The following AGBL1 variants were observed in gnomAD, a reference collection of about 807,000 sequenced individuals.
AGBL1 encodes the protein cytosolic carboxypeptidase 4.
Under a neutral mutation model 118.9 loss-of-function variants are expected in AGBL1, and 130 were observed. The ratio of observed to expected loss-of-function variants is 1.09; its 90% confidence interval spans 0.95 to 1.26. The LOEUF (loss-of-function observed/expected upper bound fraction) is 1.26. Among genes scored for constraint, AGBL1 ranks in the 50% most tolerant of loss-of-function variants. AGBL1 has a pLI of 0.00. For missense variants in AGBL1, 1,584 were observed against 1,298.1 expected, an observed-to-expected ratio of 1.22 and a Z score of -3.38; for synonymous variants, 555 against 478.9, an observed-to-expected ratio of 1.16 and a Z score of -2.08.
At chr15:87,029,786 G>T (rs1005403548), downstream of AGBL1, among the ~76,000 whole-genome samples, 1 of 151,700 alleles carries the variant, frequency 6.6e-6, no homozygotes, top group Non-Finnish European at 1.5e-5. Context: ...AATGGAGGGA[G>T]ACATAGAATA....
chr15:86,403,890 G>T (rs1342821892), intron 18 of AGBL1, among the ~76,000 whole-genome samples: 2 of 152,096 alleles, frequency 1.3e-5, no homozygotes, highest in African/African-American at 2.4e-5. Context: ...CAAATGATAA[G>T]GAAACTGAGA....
intron 22 of AGBL1, among the ~76,000 whole-genome samples, chr15:86,847,986 G>C (rs573628201): frequency 1.3e-5 from 2 of 152,090 alleles, no homozygotes; most frequent in African/African-American, 2.4e-5. Flanking sequence ...TCATTCCTTC[G>C]TGACAGAGAT....
At chr15:86,364,884 A>T (rs2080856922) in intron 17 of AGBL1, among the ~76,000 whole-genome samples, 1 of 149,190 alleles carries the variant, frequency 6.7e-6, no homozygotes, top group Admixed American at 6.7e-5. Context: ...TGCACCTTTC[A>T]TGCTTTTATG....
chr15:86,717,080 C>T (rs2086649624), intron 22 of AGBL1, among the ~76,000 whole-genome samples: 1 of 152,076 alleles, frequency 6.6e-6, no homozygotes, highest in African/African-American at 2.4e-5. Context: ...CAAATATTAA[C>T]TATTAGTTAA....
intron 17 of AGBL1, among the ~76,000 whole-genome samples, chr15:86,362,328 A>C (rs55634465): frequency 0.16 from 24,232 of 152,174 alleles, 2,196 homozygotes; most frequent in South Asian, 0.21. Flanking sequence ...AAACTGGTTT[A>C]TATTACACCA....
At chr15:86,794,312 C>T (rs879695373) in intron 22 of AGBL1, among the ~76,000 whole-genome samples, 49 of 152,004 alleles carry the variant, frequency 3.2e-4, no homozygotes, top group Non-Finnish European at 6.2e-4. Flanking sequence ...ATGGGTGAAC[C>T]TCAAAACCAT....
At chr15:86,232,517 G>A (rs550430840) in intron 6 of AGBL1, among the ~76,000 whole-genome samples, 12 of 152,336 alleles carry the variant, frequency 7.9e-5, no homozygotes, top group African/African-American at 2.9e-4. Flanking sequence ...AGCTGAAGAT[G>A]GTCTCAGAGG....
At chr15:86,846,267 T>G (rs1278759850) in intron 22 of AGBL1, among the ~76,000 whole-genome samples, 1 of 152,210 alleles carries the variant, frequency 6.6e-6, no homozygotes, top group Non-Finnish European at 1.5e-5. Flanking sequence ...AAGGATAGTG[T>G]TCCTGGATAG....
At chr15:86,931,507 TA>T (rs139321543) in intron 23 of AGBL1, among the ~76,000 whole-genome samples, 54 of 151,952 alleles carry the variant, frequency 3.6e-4, no homozygotes, top group Non-Finnish European at 4.7e-4. Flanking sequence ...GGAATCTACA[TA>T]AAAAAAATTA....
At chr15:86,242,397 A>G (rs1192417156) in intron 6 of AGBL1, among the ~76,000 whole-genome samples, 2 of 152,226 alleles carry the variant, frequency 1.3e-5, no homozygotes, top group Non-Finnish European at 2.9e-5. Context: ...AATTCTCTCA[A>G]CAGTCTCACA....
chr15:86,863,040 C>A (rs1596563529), intron 22 of AGBL1, among the ~76,000 whole-genome samples: 1 of 152,124 alleles, frequency 6.6e-6, no homozygotes, highest in Non-Finnish European at 1.5e-5. Context: ...CAGGGAAGCA[C>A]GTGCTACCAT....
intron 2 of AGBL1, among the ~76,000 whole-genome samples, chr15:86,143,074 G>C (rs1472791405): frequency 6.6e-6 from 1 of 152,218 alleles, no homozygotes. Flanking sequence ...TGGGCAAGGT[G>C]GAGGAGGTCC....
intron 22 of AGBL1, among the ~76,000 whole-genome samples, chr15:86,761,402 T>A (rs1312583642): frequency 6.6e-6 from 1 of 152,058 alleles, no homozygotes; most frequent in Admixed American, 6.6e-5. Flanking sequence ...ACAAGGCAGA[T>A]CTAAGTTCTG....
intron 17 of AGBL1, among the ~76,000 whole-genome samples, chr15:86,396,646 C>A (rs779371280): frequency 1.3e-5 from 2 of 152,152 alleles, no homozygotes; most frequent in Admixed American, 6.6e-5. Flanking sequence ...GAGGGACCAT[C>A]CCACCCACAG....
chr15:86,412,490 A>G (rs1343356985), intron 18 of AGBL1, among the ~76,000 whole-genome samples: 1 of 152,156 alleles, frequency 6.6e-6, no homozygotes, highest in Non-Finnish European at 1.5e-5. Flanking sequence ...GTCCTGATAC[A>G]CAGTGTTTTA....
chr15:86,713,976 C>T (rs542616154), intron 22 of AGBL1, among the ~76,000 whole-genome samples: 10 of 152,214 alleles, frequency 6.6e-5, no homozygotes, highest in Admixed American at 2.6e-4. Flanking sequence ...TCCTTGAACG[C>T]GCACACAAAG....
intron 17 of AGBL1, among the ~76,000 whole-genome samples, chr15:86,391,061 G>A (rs948161815): frequency 6.7e-6 from 1 of 150,320 alleles, no homozygotes; most frequent in East Asian, 1.9e-4. Context: ...AGAGGCTAGG[G>A]GTGGGGTGAA....
chr15:86,433,286 T>TTTTTTTTTTTTG (rs2081961002), intron 18 of AGBL1, among the ~76,000 whole-genome samples: 1 of 128,636 alleles, frequency 7.8e-6, no homozygotes, highest in Non-Finnish European at 1.6e-5. Flanking sequence ...TTTTTTTTTT[T>TTTTTTTTTTTTG]TTTTTTTGCC....
chr15:86,721,679 T>TA (rs941666633), intron 22 of AGBL1, among the ~76,000 whole-genome samples: 11 of 152,244 alleles, frequency 7.2e-5, no homozygotes, highest in African/African-American at 2.6e-4. Context: ...GAGAAGGAAA[T>TA]AAAAGATATT....
Sources: gnomAD v4.1 joint callset for allele counts (sites outside exome capture counted in the v4.1 genomes callset) on GRCh38, gnomAD v4.1.1 for gene constraint, MANE v1.5 for transcripts, NCBI Gene and HGNC (gene_info 2026-07-23, HGNC 2026-07-21) for gene names.